Variants in REDIC1 observed in about 807,000 individuals in gnomAD.
The protein encoded by REDIC1 is HEI10 Interacting Protein 1.
At chr12:39,674,580 G>T in the REDIC1 span, among the ~76,000 whole-genome samples, 1 of 137,118 alleles carries the variant, frequency 7.3e-6, no homozygotes, top group Admixed American at 7.1e-5. Context: ...CAAAGTGTGA[G>T]GGGGGGATAG....
At chr12:39,749,693 G>A in the REDIC1 span, among the ~76,000 whole-genome samples, 1 of 152,134 alleles carries the variant, frequency 6.6e-6, no homozygotes, top group African/African-American at 2.4e-5. Context: ...ACCAAATCCA[G>A]CAGCACATCA....
At chr12:39,732,027 C>T in the REDIC1 span, among the ~76,000 whole-genome samples, 1 of 152,178 alleles carries the variant, frequency 6.6e-6, no homozygotes, top group Admixed American at 6.5e-5. Flanking sequence ...TGTCCTCCTC[C>T]ATCCCTCCAA....
At chr12:39,878,724 C>T in the REDIC1 span, among the ~76,000 whole-genome samples, 2 of 152,074 alleles carry the variant, frequency 1.3e-5, no homozygotes, top group African/African-American at 4.8e-5. Flanking sequence ...TGCAGCCTGG[C>T]CATGTGGCAG....
At chr12:39,852,412 T>C in the REDIC1 span, among the ~76,000 whole-genome samples, 2 of 152,216 alleles carry the variant, frequency 1.3e-5, no homozygotes, top group Admixed American at 1.3e-4. Flanking sequence ...AAAATTCCTG[T>C]GACAAATCTG....
At chr12:39,763,920 C>T in the REDIC1 span, among the ~76,000 whole-genome samples, 31 of 152,154 alleles carry the variant, frequency 2.0e-4, no homozygotes, top group African/African-American at 7.5e-4. Flanking sequence ...AAGTACTGGT[C>T]TCAGAGGACA....
the REDIC1 span, among the ~76,000 whole-genome samples, chr12:39,695,301 G>T: frequency 1.3e-5 from 2 of 152,168 alleles, no homozygotes; most frequent in South Asian, 2.1e-4. Flanking sequence ...GGCTCTTGGG[G>T]TCCCCAATTC....
chr12:39,743,068 A>G, the REDIC1 span, among the ~76,000 whole-genome samples: 2 of 6,472 alleles, frequency 3.1e-4, no homozygotes, highest in African/African-American at 3.6e-3. Flanking sequence ...ATGGGAGAAA[A>G]ATCCCCTGTG....
At chr12:39,649,104 A>G in the REDIC1 span, among the ~76,000 whole-genome samples, 3 of 151,998 alleles carry the variant, frequency 2.0e-5, no homozygotes, top group East Asian at 5.8e-4. Flanking sequence ...TGTAATCTCT[A>G]TTTAACTTTC....
the REDIC1 span, among the ~76,000 whole-genome samples, chr12:39,730,708 G>T: frequency 5.9e-5 from 9 of 152,140 alleles, no homozygotes; most frequent in African/African-American, 2.2e-4. Context: ...GTCTTGCTAG[G>T]TTGGGGGAGT....
the REDIC1 span, among the ~76,000 whole-genome samples, chr12:39,655,472 T>C: frequency 6.6e-6 from 1 of 152,142 alleles, no homozygotes; most frequent in Non-Finnish European, 1.5e-5. Context: ...CCCTCTGGTC[T>C]CTCCTGAGTG....
chr12:39,707,840 A>T, the REDIC1 span, among the ~76,000 whole-genome samples: 1 of 151,902 alleles, frequency 6.6e-6, no homozygotes, highest in Admixed American at 6.6e-5. Flanking sequence ...TAAAAAAAGA[A>T]TGATCCTGTC....
chr12:39,680,768 GCACACA>G, the REDIC1 span, among the ~76,000 whole-genome samples: 2 of 149,814 alleles, frequency 1.3e-5, no homozygotes, highest in East Asian at 3.9e-4. Flanking sequence ...AAATACATAC[GCACACA>G]CACACACACA....
the REDIC1 span, among the ~76,000 whole-genome samples, chr12:39,800,385 A>C: frequency 5.3e-5 from 8 of 151,828 alleles, no homozygotes; most frequent in Admixed American, 1.3e-4. Context: ...CAATGAACTC[A>C]AACAAATTTA....
the REDIC1 span, among the ~76,000 whole-genome samples, chr12:39,705,879 G>A: frequency 6.6e-6 from 1 of 151,982 alleles, no homozygotes; most frequent in South Asian, 2.1e-4. Flanking sequence ...GAACTGAAAG[G>A]CTTTCCTCTA....
the REDIC1 span, among the ~76,000 whole-genome samples, chr12:39,858,448 GAA>G: frequency 6.7e-6 from 1 of 149,940 alleles, no homozygotes; most frequent in Admixed American, 6.6e-5. Flanking sequence ...AAATTAGTAA[GAA>G]AAAAAAATGT....
At chr12:39,690,627 AAATC>A in the REDIC1 span, among the ~76,000 whole-genome samples, 10,548 of 152,172 alleles carry the variant, frequency 0.069, 1,279 homozygotes, top group African/African-American at 0.24. Flanking sequence ...TATTAAGAAA[AAATC>A]AATATAGGTT....
chr12:39,733,867 G>A, the REDIC1 span, among the ~76,000 whole-genome samples: 1 of 152,162 alleles, frequency 6.6e-6, no homozygotes, highest in Non-Finnish European at 1.5e-5. Flanking sequence ...GCTGAACTAG[G>A]CTACTTAGCT....
At chr12:39,672,913 C>A in the REDIC1 span, among the ~76,000 whole-genome samples, 2 of 152,070 alleles carry the variant, frequency 1.3e-5, no homozygotes, top group African/African-American at 4.8e-5. Context: ...TTTGTTGGGA[C>A]CTGGCATTAA....
chr12:39,851,224 T>C, the REDIC1 span, among the ~76,000 whole-genome samples: 53 of 152,284 alleles, frequency 3.5e-4, no homozygotes, highest in Non-Finnish European at 7.2e-4. Flanking sequence ...ATAGAAACAC[T>C]AATCAGTTAA....
Sources: gnomAD v4.1 joint callset for allele counts (sites outside exome capture counted in the v4.1 genomes callset) on GRCh38, gnomAD v4.1.1 for gene constraint, MANE v1.5 for transcripts, NCBI Gene and HGNC (gene_info 2026-07-23, HGNC 2026-07-21) for gene names.